MAGI2: variants seen among roughly 807,000 people sequenced by gnomAD.
The protein encoded by MAGI2 is membrane associated guanylate kinase, WW and PDZ domain containing 2.
MAGI2 carries 35 observed loss-of-function variants against 133.3 expected under a neutral mutation model. The ratio of observed to expected loss-of-function variants is 0.26; its 90% CI spans 0.20 to 0.35. The LOEUF is 0.35. Ranked by LOEUF, MAGI2 falls within the 10% of genes least tolerant of loss-of-function variation. The pLI is 1.00. For missense variants in MAGI2, 1,636 were observed against 1,863.4 expected (o/e 0.88, Z 2.25); for synonymous variants, 729 against 710.6 (o/e 1.03, Z -0.41).
At chr7:78,773,214 T>A (rs1189448058) in intron 2 of MAGI2, among the ~76,000 whole-genome samples, 1 of 152,200 alleles carries the variant, frequency 6.6e-6, no homozygotes, top group East Asian at 1.9e-4. Flanking sequence ...CTCCAAGCTA[T>A]TCTAACAGAG....
At chr7:78,704,602 A>G (rs1232149197) in intron 2 of MAGI2, among the ~76,000 whole-genome samples, 1 of 152,094 alleles carries the variant, frequency 6.6e-6, no homozygotes, top group East Asian at 1.9e-4. Flanking sequence ...ATGCATGCAC[A>G]TGTTCATCAC....
chr7:78,495,043 G>A (rs900528440), intron 5 of MAGI2, among the ~76,000 whole-genome samples: 1 of 152,154 alleles, frequency 6.6e-6, no homozygotes, highest in South Asian at 2.1e-4. Context: ...TGGATGACAA[G>A]GTTTCAATAG....
chr7:78,310,687 G>C (rs1306618412), intron 9 of MAGI2, among the ~76,000 whole-genome samples: 2 of 152,106 alleles, frequency 1.3e-5, no homozygotes, highest in Non-Finnish European at 2.9e-5. Flanking sequence ...ACCATGAAGA[G>C]AGGACAAGCT....
intron 2 of MAGI2, among the ~76,000 whole-genome samples, chr7:78,735,182 T>C (rs1053120419): frequency 1.3e-5 from 2 of 152,218 alleles, no homozygotes; most frequent in Non-Finnish European, 2.9e-5. Context: ...TTTTTACTGA[T>C]ATTTTTAATA....
chr7:78,557,815 A>G (rs547228663), intron 3 of MAGI2, among the ~76,000 whole-genome samples: 1 of 152,300 alleles, frequency 6.6e-6, no homozygotes, highest in South Asian at 2.1e-4. Flanking sequence ...GTGTAATCAG[A>G]GGTACAGTTT....
At chr7:78,655,809 G>C (rs867772534) in intron 2 of MAGI2, among the ~76,000 whole-genome samples, 3 of 151,848 alleles carry the variant, frequency 2.0e-5, no homozygotes, top group African/African-American at 7.3e-5. Flanking sequence ...GTGAAACCCT[G>C]TCTCTACTAA....
intron 1 of MAGI2, among the ~76,000 whole-genome samples, chr7:79,139,610 G>C (rs1337883407): frequency 6.6e-6 from 1 of 152,144 alleles, no homozygotes; most frequent in Non-Finnish European, 1.5e-5. Context: ...AGTATTACCC[G>C]TAGCTAAGGA....
intron 2 of MAGI2, among the ~76,000 whole-genome samples, chr7:78,840,671 T>C (rs1792055768): frequency 6.6e-6 from 1 of 152,052 alleles, no homozygotes; most frequent in Non-Finnish European, 1.5e-5. Flanking sequence ...TTGGGGGCTC[T>C]GTAATTTGTA....
At chr7:78,613,885 G>T (rs1256851765) in intron 3 of MAGI2, among the ~76,000 whole-genome samples, 1 of 151,852 alleles carries the variant, frequency 6.6e-6, no homozygotes, top group African/African-American at 2.4e-5. Flanking sequence ...GAGGTGGGTG[G>T]ATTACTTGAG....
chr7:79,192,685 A>G (rs2129551285), intron 1 of MAGI2, among the ~76,000 whole-genome samples: 1 of 151,878 alleles, frequency 6.6e-6, no homozygotes, highest in East Asian at 1.9e-4. Flanking sequence ...GGGGTGAGGA[A>G]GGATGGGGAA....
At chr7:79,289,884 TTA>T (rs915011962) in intron 1 of MAGI2, among the ~76,000 whole-genome samples, 4 of 151,486 alleles carry the variant, frequency 2.6e-5, no homozygotes, top group African/African-American at 9.7e-5. Context: ...AAAAAAAAAT[TTA>T]AAAAATAAAA....
At chr7:78,107,912 T>TTTTTTTTTTTGAGACGGAGTCTCG (rs1554451635) in intron 20 of MAGI2, among the ~76,000 whole-genome samples, 2 of 150,756 alleles carry the variant, frequency 1.3e-5, no homozygotes, top group Non-Finnish European at 3.0e-5. Context: ...GTTTATCTTT[T>TTTTTTTTTTTGAGACGGAGTCTCG]CAAAAAACCA....
chr7:78,853,727 T>C (rs778575593), intron 2 of MAGI2, among the ~76,000 whole-genome samples: 2 of 152,052 alleles, frequency 1.3e-5, no homozygotes, highest in African/African-American at 4.8e-5. Context: ...TGACTTTAAA[T>C]GAAAGTAAAA....
chr7:78,517,475 C>G (rs1796139595), intron 4 of MAGI2, among the ~76,000 whole-genome samples: 1 of 152,048 alleles, frequency 6.6e-6, no homozygotes, highest in Non-Finnish European at 1.5e-5. Flanking sequence ...AGTAAATAAA[C>G]TTTTACTTTA....
At chr7:78,633,691 G>A (rs1809308878) in intron 2 of MAGI2, among the ~76,000 whole-genome samples, 1 of 138,244 alleles carries the variant, frequency 7.2e-6, no homozygotes, top group Non-Finnish European at 1.5e-5. Context: ...GGGCGTCAGA[G>A]CGAGACTCCG....
chr7:79,320,071 T>G (rs1432725959), intron 1 of MAGI2, among the ~76,000 whole-genome samples: 1 of 152,142 alleles, frequency 6.6e-6, no homozygotes, highest in Non-Finnish European at 1.5e-5. Flanking sequence ...GTCTTGGACA[T>G]TCCTGGTGCT....
intron 2 of MAGI2, among the ~76,000 whole-genome samples, chr7:78,958,736 C>T (rs201239804): frequency 6.6e-6 from 1 of 152,002 alleles, no homozygotes; most frequent in Non-Finnish European, 1.5e-5. Context: ...TACCTGGAGG[C>T]CCTAGTGTAC....
At chr7:78,764,050 A>G (rs1824772427) in intron 2 of MAGI2, among the ~76,000 whole-genome samples, 1 of 152,202 alleles carries the variant, frequency 6.6e-6, no homozygotes, top group Non-Finnish European at 1.5e-5. Context: ...GCTGTGGTTT[A>G]AGGACAACTG....
At chr7:78,106,720 T>G (rs1166140113) in intron 20 of MAGI2, among the ~76,000 whole-genome samples, 1 of 152,184 alleles carries the variant, frequency 6.6e-6, no homozygotes, top group Admixed American at 6.5e-5. Flanking sequence ...TACTTTCCCC[T>G]GTTGAGTTGT....
Sources: gnomAD v4.1 joint callset for allele counts (sites outside exome capture counted in the v4.1 genomes callset) on GRCh38, gnomAD v4.1.1 for gene constraint, MANE v1.5 for transcripts, NCBI Gene and HGNC (gene_info 2026-07-23, HGNC 2026-07-21) for gene names.